Variants in SCN8A observed in about 807,000 individuals in gnomAD.
SCN8A encodes the protein sodium channel protein type 8 subunit alpha.
A neutral mutation model predicts 184.1 loss-of-function variants in SCN8A; 30 were observed. The observed-to-expected ratio is 0.16, with a 90% confidence interval of 0.12 to 0.22. SCN8A has a LOEUF of 0.22. Among genes scored for constraint, SCN8A ranks in the 10% least tolerant of loss-of-function variants. SCN8A has a pLI of 1.00. For synonymous variants in SCN8A, 852 were observed against 907.0 expected, an observed-to-expected ratio of 0.94 and a Z score of 1.09; for missense variants, 1,057 against 2,498.9, an observed-to-expected ratio of 0.42 and a Z score of 12.30.
At chr12:51,799,829 T>C (rs1344707745) in intron 26 of SCN8A, among the ~76,000 whole-genome samples, 1 of 152,202 alleles carries the variant, frequency 6.6e-6, no homozygotes, top group East Asian at 1.9e-4. Context: ...CAACAACTTA[T>C]CCTTCACCTT....
chr12:51,781,034 T>C (rs1480333970), intron 21 of SCN8A, among the ~76,000 whole-genome samples: 5 of 152,268 alleles, frequency 3.3e-5, no homozygotes. Context: ...TTGGCCTGGC[T>C]TACCTGTAGC....
intron 11 of SCN8A, among the ~76,000 whole-genome samples, chr12:51,715,630 C>T (rs1941951895): frequency 7.9e-6 from 1 of 125,896 alleles, no homozygotes; most frequent in Non-Finnish European, 1.6e-5. Context: ...TGCACTTCAG[C>T]CTGGGTGACA....
At chr12:51,648,038 C>T (rs1309631885) in intron 1 of SCN8A, among the ~76,000 whole-genome samples, 1 of 67,236 alleles carries the variant, frequency 1.5e-5, no homozygotes, top group Non-Finnish European at 5.1e-5. Flanking sequence ...AGGTGTGCTG[C>T]TGCAAACTGG....
chr12:51,734,452 G>A (rs1056520438), intron 12 of SCN8A, among the ~76,000 whole-genome samples: 2 of 152,266 alleles, frequency 1.3e-5, no homozygotes, highest in Non-Finnish European at 2.9e-5. Context: ...TAAAGGAATA[G>A]GTTGGGCTAG....
intron 11 of SCN8A, among the ~76,000 whole-genome samples, chr12:51,710,598 G>T (rs1042481426): frequency 3.9e-5 from 6 of 152,136 alleles, no homozygotes; most frequent in East Asian, 1.9e-4. Flanking sequence ...GGTTGAAGCT[G>T]CAGTGAGCTG....
rs1336637479 is a variant in SCN8A at position 51,721,984 on chromosome 12, T to TC, written c.1998+81dup. 3.1e-6 allele frequency: 5 copies of TC among 1,597,396 alleles called. No homozygotes were observed. The Admixed American group carries it at 5.0e-5, about 16-fold the overall frequency. Reference sequence around the variant, plus strand: ...TAGATCGAGGCTAGGCATGGCAGTCTCCCCCGCTCCTTCCCCTCCTCTTTC... The same window carrying TC: ...TAGATCGAGGCTAGGCATGGCAGTCTCCCCCCGCTCCTTCCCCTCCTCTTTC... On this transcript the variant is annotated intron_variant, in intron 12 of 26. Coordinates refer to ENST00000627620, the MANE Select transcript of SCN8A (RefSeq NM_001330260.2).
At chr12:51,804,114 G>A (rs970971314) in intron 26 of SCN8A, among the ~76,000 whole-genome samples, 1 of 152,164 alleles carries the variant, frequency 6.6e-6, no homozygotes, top group Admixed American at 6.5e-5. Context: ...TCATTTCCCA[G>A]ACTTTTCAAC....
At chr12:51,606,105 A>G (rs750667773) in intron 1 of SCN8A, among the ~76,000 whole-genome samples, 1 of 152,036 alleles carries the variant, frequency 6.6e-6, no homozygotes, top group African/African-American at 2.4e-5. Flanking sequence ...TTAAGCCCCA[A>G]CTATTATCTT....
chr12:51,725,340 A>G (rs904375755), intron 12 of SCN8A, among the ~76,000 whole-genome samples: 7 of 152,232 alleles, frequency 4.6e-5, no homozygotes, highest in Non-Finnish European at 7.3e-5. Flanking sequence ...CAAACTACAT[A>G]GAGAAAGAAG....
chr12:51,609,541 T>G (rs1939670797), intron 1 of SCN8A, among the ~76,000 whole-genome samples: 1 of 152,222 alleles, frequency 6.6e-6, no homozygotes, highest in South Asian at 2.1e-4. Context: ...ATAATGTCCC[T>G]CTTTGTCTCT....
chr12:51,625,458 A>G (rs1251466644), intron 1 of SCN8A, among the ~76,000 whole-genome samples: 2 of 152,216 alleles, frequency 1.3e-5, no homozygotes, highest in Non-Finnish European at 2.9e-5. Flanking sequence ...ATGCTTATAC[A>G]CAAAGCTGCT....
intron 6 of SCN8A, among the ~76,000 whole-genome samples, chr12:51,694,065 T>C (rs1250724596): frequency 3.9e-5 from 6 of 152,146 alleles, no homozygotes; most frequent in African/African-American, 1.4e-4. Flanking sequence ...CCTGAGTAGC[T>C]AGGATTACAA....
At chr12:51,800,573 T>C (rs146239400) in intron 26 of SCN8A, among the ~76,000 whole-genome samples, 38 of 152,344 alleles carry the variant, frequency 2.5e-4, no homozygotes, top group African/African-American at 8.4e-4. Context: ...AGTCAGCCAA[T>C]ATGGGGATTC....
At chr12:51,729,676 A>G (rs1942210206) in intron 12 of SCN8A, among the ~76,000 whole-genome samples, 1 of 152,162 alleles carries the variant, frequency 6.6e-6, no homozygotes, top group Non-Finnish European at 1.5e-5. Flanking sequence ...TATATTGGGT[A>G]GATACATCAA....
intron 1 of SCN8A, among the ~76,000 whole-genome samples, chr12:51,616,437 G>C (rs1311586970): frequency 6.6e-6 from 1 of 151,982 alleles, no homozygotes; most frequent in Non-Finnish European, 1.5e-5. Flanking sequence ...GGTGAAACCT[G>C]TCTCTACTAA....
chr12:51,760,271 TA>T (rs1376109618), intron 14 of SCN8A, among the ~76,000 whole-genome samples: 1 of 152,318 alleles, frequency 6.6e-6, no homozygotes, highest in Admixed American at 6.5e-5. Flanking sequence ...TCTCAATTTT[TA>T]AAAAAGCAAT....
chr12:51,610,350 G>A (rs1412950010), intron 1 of SCN8A, among the ~76,000 whole-genome samples: 1 of 152,094 alleles, frequency 6.6e-6, no homozygotes, highest in African/African-American at 2.4e-5. Flanking sequence ...TTTAAGTGGA[G>A]CATTTAGGCC....
intron 19 of SCN8A, among the ~76,000 whole-genome samples, chr12:51,771,391 G>A (rs1228404664): frequency 6.6e-6 from 1 of 151,964 alleles, no homozygotes; most frequent in Non-Finnish European, 1.5e-5. Flanking sequence ...AAAGAAGGTG[G>A]GCACATTCAT....
intron 1 of SCN8A, among the ~76,000 whole-genome samples, chr12:51,618,147 G>T (rs561954865): frequency 1.1e-4 from 16 of 152,096 alleles, no homozygotes; most frequent in African/African-American, 3.4e-4. Context: ...AGAACCAAAT[G>T]GCAAGATACG....
Sources: allele counts gnomAD v4.1 joint callset (sites outside exome capture counted in the v4.1 genomes callset), GRCh38; gene constraint gnomAD v4.1.1; transcripts MANE v1.5; gene names NCBI Gene and HGNC (gene_info 2026-07-23, HGNC 2026-07-21).